The following PPP1R3F variants were observed in gnomAD, a reference collection of about 807,000 sequenced individuals.
The protein encoded by PPP1R3F is protein phosphatase 1, regulatory (inhibitor) subunit 3F.
PPP1R3F carries 29 observed loss-of-function variants against 24.2 expected under a neutral mutation model. The ratio of observed to expected loss-of-function variants is 1.20; its 90% CI spans 0.89 to 1.63. PPP1R3F has a LOEUF of 1.63. PPP1R3F is among the 40% of genes most tolerant of loss of function. The pLI is 0.00. For synonymous variants in PPP1R3F, 363 were observed against 340.1 expected, an observed-to-expected ratio of 1.07 and a Z score of -0.74; for missense variants, 823 against 729.3, an observed-to-expected ratio of 1.13 and a Z score of -1.48.
downstream of PPP1R3F, among the ~76,000 whole-genome samples, chrX:49,291,412 C>T (rs985200498): frequency 1.8e-5 from 2 of 108,974 alleles, no homozygotes; most frequent in African/African-American, 6.7e-5. Flanking sequence ...ACTGTAACCT[C>T]TGCCCCCTGG....
chrX:49,282,441 C>CTGTGTGTGTGTGTGTG (rs2066254774), intron 3 of PPP1R3F, among the ~76,000 whole-genome samples: 1 of 54,820 alleles, frequency 1.8e-5, no homozygotes, highest in African/African-American at 6.9e-5. Flanking sequence ...GGGTGAGAGA[C>CTGTGTGTGTGTGTGTG]TCTGTGTGTG....
chrX:49,286,401 G>A lies in PPP1R3F; in HGVS notation c.1711G>A (p.Glu571Lys), dbSNP rs2147974768. The change falls in exon 4 of 4, where the codon GAA becomes AAA. Residue 571 changes from glutamate (E) to lysine (K), a missense_variant. Physicochemically the swap from Glu to Lys is moderately conservative, Grantham distance 56 (BLOSUM62 1). Transcript: ENST00000055335. ...GRGVELIKDT[E>K]DPDDEGEGEE... ...TGGCGTGGAGCTCATCAAGGACACC[G>A]AAGACCCTGATGATGAAGGGGAGGG... 8.4e-7 allele frequency: 1 copy of A among 1,191,419 alleles called. No individual in the cohort carries two copies. The highest frequency in any genetic ancestry group is 1.1e-6 in the Non-Finnish European group (1 of 882,917).
At chrX:49,290,833 C>G (rs2066306264), downstream of PPP1R3F, among the ~76,000 whole-genome samples, 1 of 111,716 alleles carries the variant, frequency 9.0e-6, no homozygotes, top group Non-Finnish European at 1.9e-5. Flanking sequence ...TGAGATGACT[C>G]TTCAGTCACT....
downstream of PPP1R3F, among the ~76,000 whole-genome samples, chrX:49,289,779 G>A (rs2066303399): frequency 9.0e-6 from 1 of 111,495 alleles, no homozygotes. Context: ...CATTAAAACA[G>A]ACTTATGGGC....
At position 49,286,816 on chromosome X, in the gene PPP1R3F, C is replaced by T; in HGVS notation, c.2126C>T (p.Pro709Leu). 1 of 1,201,657 alleles carries T rather than the reference C, an allele frequency of 8.3e-7. No individual in the cohort carries two copies. The highest frequency in any genetic ancestry group is 1.7e-5 in the African/African-American group (1 of 57,722). ...LQGQNPTLLS[P>L]LGAEVCLSSV... ...GGGCAAAATCCCACCCTCCTCAGTC[C>T]CTTGGGGGCCGAAGTCTGTCTCTCT... The change falls in exon 4 of 4, where the codon CCC becomes CTC. Residue 709 changes from proline to leucine, a missense_variant. Pro to Leu is a moderately conservative substitution (Grantham distance 98). Transcript: ENST00000055335.
At chrX:49,289,463 G>T (rs1234616128), downstream of PPP1R3F, among the ~76,000 whole-genome samples, 1 of 111,541 alleles carries the variant, frequency 9.0e-6, no homozygotes, top group Non-Finnish European at 1.9e-5. Context: ...ATGGAATATT[G>T]TATAATGAGA....
intron 1 of PPP1R3F, among the ~76,000 whole-genome samples, chrX:49,278,028 G>C (rs1196882413): frequency 1.8e-5 from 2 of 112,171 alleles, no homozygotes; most frequent in Non-Finnish European, 3.8e-5. Context: ...GGCGTGACCT[G>C]CTTTTTGGAT....
Position 49,270,485 on chromosome X carries a change from GCAGGAGCGGGAGGAA to G in PPP1R3F, c.624_638del (p.Gly210_Gly214del), listed in dbSNP as rs781849665. The G allele has an allele frequency of 1.7e-6, 2 of 1,205,177 alleles. No individual in the cohort carries two copies. Among genetic ancestry groups the G allele is most frequent in the Non-Finnish European group, 1.1e-6 (1 of 894,900 alleles). On this transcript the variant is annotated inframe_deletion, in exon 1 of 4. Transcript: ENST00000055335. Reference sequence around the variant, plus strand: ...CTACGTCCCGCGCAGCCCGCCGTGGGCAGGAGCGGGAGGAACAGGAGCAGGAGATCCCATCCTGGA... The same window carrying G: ...CTACGTCCCGCGCAGCCCGCCGTGGGCAGGAGCAGGAGATCCCATCCTGGA...
chrX:49,291,984 G>T (rs1569531144), downstream of PPP1R3F, among the ~76,000 whole-genome samples: 2 of 103,212 alleles, frequency 1.9e-5, no homozygotes, highest in African/African-American at 3.3e-5. Context: ...TGACTAAAGC[G>T]TCTGGTCCCA....
At chrX:49,278,914 C>T (rs2066230615) in intron 1 of PPP1R3F, among the ~76,000 whole-genome samples, 1 of 112,429 alleles carries the variant, frequency 8.9e-6, no homozygotes, top group Admixed American at 9.4e-5. Flanking sequence ...CCCCAGTCTC[C>T]CTCATCCAAG....
In PPP1R3F at chrX:49,281,433, G is replaced by C; in HGVS notation, c.1032G>C (p.Lys344Asn). The change falls in exon 2 of 4, where the codon AAG becomes AAC. Residue 344 changes from lysine (K) to asparagine (N), a missense_variant. Lys to Asn is a moderately conservative substitution (Grantham distance 94). Coordinates refer to ENST00000055335, the MANE Select transcript of PPP1R3F (RefSeq NM_033215.5). ...RRPAEEELKT[K>N]NMDDNTFAMA... ...CTGCCGAGGAGGAACTGAAGACGAA[G>C]AACATGGATGATAACACCTTTGCCA... The C allele has an allele frequency of 8.3e-7, 1 of 1,208,597 alleles. No individual in the cohort carries two copies. Among genetic ancestry groups the C allele is most frequent in the Non-Finnish European group, 1.1e-6 (1 of 893,175 alleles).
At chrX:49,293,074 G>A (rs188254852), downstream of PPP1R3F, among the ~76,000 whole-genome samples, 8 of 111,512 alleles carry the variant, frequency 7.2e-5, no homozygotes, top group Admixed American at 7.6e-4. Flanking sequence ...GGTTGTCTCT[G>A]TAGTGTTCTG....
chrX:49,271,469 G>T (rs1274883450), intron 1 of PPP1R3F, among the ~76,000 whole-genome samples: 1 of 112,843 alleles, frequency 8.9e-6, no homozygotes, highest in Non-Finnish European at 1.9e-5. Flanking sequence ...AAGTGCAAAG[G>T]TCCTGGGGTG....
chrX:49,292,048 G>T (rs1557122439), downstream of PPP1R3F, among the ~76,000 whole-genome samples: 1 of 111,960 alleles, frequency 8.9e-6, no homozygotes, highest in Non-Finnish European at 1.9e-5. Flanking sequence ...ACCCTACAGT[G>T]ATACCTGCCT....
Position 49,287,146 on chromosome X carries a change from A to T in PPP1R3F, c.*56A>T. On this transcript the variant is annotated 3_prime_UTR_variant, in exon 4 of 4. Coordinates refer to ENST00000055335, the MANE Select transcript of PPP1R3F (RefSeq NM_033215.5). Reference sequence around the variant, plus strand: ...GATGGGATACATGGCCTGTGCAGTGAGGGGACCTGGGTCCTTTGCTTCTGA... The same window carrying T: ...GATGGGATACATGGCCTGTGCAGTGTGGGGACCTGGGTCCTTTGCTTCTGA... The T allele has an allele frequency of 8.8e-7, 1 of 1,131,623 alleles. No individual in the cohort carries two copies. Among genetic ancestry groups the T allele is most frequent in the South Asian group, 1.9e-5 (1 of 51,993 alleles). 93.3% of individuals were successfully genotyped at this position (1,131,623 alleles called of 1,213,427 possible). A position where few individuals can be genotyped will look rare whatever the true frequency, so the allele number is the denominator to read the frequency against.
In PPP1R3F at chrX:49,285,964, G is replaced by A. The variant is rs782109727; in HGVS notation, c.1274G>A (p.Gly425Asp). Residue 425 changes from glycine to aspartate, a missense_variant, in exon 4 of 4, where the codon GGC becomes GAC. Coordinates refer to ENST00000055335, the MANE Select transcript of PPP1R3F (RefSeq NM_033215.5). ...ATTCCCCCCTCCTCCCCTCTCTGTG[G>A]CCTGGGTGGCTCCCCCAGAGACCAG... ...IRIPPSSPLCGLGGSPRDQAS... is the reference protein window; with the variant it reads ...IRIPPSSPLCDLGGSPRDQAS... 5 of 1,203,967 alleles carry A rather than the reference G, an allele frequency of 4.2e-6. No homozygotes were observed. In the African/African-American group the frequency reaches 5.2e-5, roughly 13 times the overall value.
Position 49,270,607 on chromosome X carries a change from G to T in PPP1R3F, c.738G>T (p.Gln246His), listed in dbSNP as rs1557118986. The T allele has an allele frequency of 2.5e-6, 3 of 1,205,218 alleles. No individual in the cohort carries two copies. Among genetic ancestry groups the T allele is most frequent in the Non-Finnish European group, 2.2e-6 (2 of 894,374 alleles). ...GCCGCACCGACCGCTTTGCCTTCCA[G>T]CTGCCCTTTGCTGAGGGCGCGGGCG... ...DGGRTDRFAFQLPFAEGAGDG... is the reference protein window; with the variant it reads ...DGGRTDRFAFHLPFAEGAGDG... Residue 246 changes from glutamine to histidine, a missense_variant, in exon 1 of 4, where the codon CAG becomes CAT. Transcript: ENST00000055335.
intron 1 of PPP1R3F, among the ~76,000 whole-genome samples, chrX:49,276,072 A>G (rs782078336): frequency 4.4e-5 from 5 of 112,757 alleles, no homozygotes; most frequent in African/African-American, 1.3e-4. Context: ...TTGGTAGGGC[A>G]TTATGGTTAA....
chrX:49,283,846 CTT>C (rs1261868918), intron 3 of PPP1R3F, among the ~76,000 whole-genome samples: 1 of 109,961 alleles, frequency 9.1e-6, no homozygotes, highest in Non-Finnish European at 1.9e-5. Flanking sequence ...TGTATTTAAT[CTT>C]TTATTATTAA....
Sources: gnomAD v4.1 joint callset for allele counts (sites outside exome capture counted in the v4.1 genomes callset) on GRCh38, gnomAD v4.1.1 for gene constraint, MANE v1.5 for transcripts, NCBI Gene and HGNC (gene_info 2026-07-23, HGNC 2026-07-21) for gene names.